SH3RF3: variants seen among roughly 807,000 people sequenced by gnomAD.
SH3RF3 encodes the protein E3 ubiquitin-protein ligase SH3RF3.
In SH3RF3, 29 loss-of-function variants were observed where a neutral mutation model predicts 66.3. The observed-to-expected ratio is 0.44, with a 90% CI of 0.33 to 0.60. SH3RF3 has a LOEUF of 0.60. SH3RF3 is among the 20% of genes least tolerant of loss of function. SH3RF3 has a pLI of 0.04. For missense variants in SH3RF3, 1,194 were observed against 1,190.9 expected (o/e 1.00, Z -0.04); for synonymous variants, 583 against 532.0 (o/e 1.10, Z -1.32).
chr2:109,274,637 C>G (rs1680708066), intron 1 of SH3RF3, among the ~76,000 whole-genome samples: 2 of 152,080 alleles, frequency 1.3e-5, no homozygotes, highest in Non-Finnish European at 2.9e-5. Context: ...GAAGAGGCGG[C>G]AATGGAGCAG....
chr2:109,266,758 CAA>C lies in SH3RF3; in HGVS notation c.574-80915_574-80914del, dbSNP rs142650214. Among the ~76,000 whole-genome samples, 840 of 152,296 alleles carry C rather than the reference CAA, an allele frequency of 5.5e-3. 11 individuals carry two copies. Among genetic ancestry groups the C allele is most frequent in the African/African-American group, 0.019 (807 of 41,558 alleles). Reference sequence around the variant, plus strand: ...CACGCTTGCTTCATTAACAGCCTAACAAGAGACAGGGGTGAGCGTGTGCCCAC... The same window carrying C: ...CACGCTTGCTTCATTAACAGCCTAACGAGACAGGGGTGAGCGTGTGCCCAC... On this transcript the variant is annotated intron_variant, in intron 1 of 9. Transcript: ENST00000309415.
At chr2:109,452,069 T>C (rs1200441191) in intron 8 of SH3RF3, among the ~76,000 whole-genome samples, 2 of 152,240 alleles carry the variant, frequency 1.3e-5, no homozygotes, top group Non-Finnish European at 2.9e-5. Flanking sequence ...AAACCACCTG[T>C]GAACATTTTG....
intron 1 of SH3RF3, among the ~76,000 whole-genome samples, chr2:109,325,331 C>CTTTTTTTTTTT (rs11298946): frequency 2.4e-4 from 16 of 66,240 alleles, no homozygotes; most frequent in South Asian, 7.2e-4. Flanking sequence ...TTCTTTCTTT[C>CTTTTTTTTTTT]TTTTTTTTTT....
chr2:109,155,235 C>T (rs1009437692), intron 1 of SH3RF3, among the ~76,000 whole-genome samples: 1 of 152,130 alleles, frequency 6.6e-6, no homozygotes, highest in African/African-American at 2.4e-5. Flanking sequence ...GCATCTATGC[C>T]TATTTTATAG....
intron 1 of SH3RF3, among the ~76,000 whole-genome samples, chr2:109,289,921 G>C (rs1379379704): frequency 1.3e-5 from 2 of 152,168 alleles, no homozygotes; most frequent in African/African-American, 2.4e-5. Context: ...TCTGCTTCTA[G>C]TTCTTAAATC....
intron 3 of SH3RF3, among the ~76,000 whole-genome samples, chr2:109,387,556 G>A (rs958773257): frequency 6.6e-6 from 1 of 152,152 alleles, no homozygotes; most frequent in African/African-American, 2.4e-5. Context: ...ATGTGATGGG[G>A]CCAGCTCCCT....
At chr2:109,317,538 C>T (rs1264093228) in intron 1 of SH3RF3, among the ~76,000 whole-genome samples, 1 of 152,128 alleles carries the variant, frequency 6.6e-6, no homozygotes, top group Non-Finnish European at 1.5e-5. Flanking sequence ...TTCTAGGTCT[C>T]GTTCTGCCGG....
chr2:109,408,462 A>G (rs1472212982), intron 4 of SH3RF3, among the ~76,000 whole-genome samples: 3 of 152,190 alleles, frequency 2.0e-5, no homozygotes, highest in African/African-American at 7.2e-5. Flanking sequence ...ACCTCCCCAC[A>G]GGCATTATCT....
At chr2:109,309,770 C>A (rs1325146400) in intron 1 of SH3RF3, among the ~76,000 whole-genome samples, 1 of 124,514 alleles carries the variant, frequency 8.0e-6, no homozygotes, top group Non-Finnish European at 1.6e-5. Context: ...GTAAAGGGAT[C>A]AATTCAACAA....
At chr2:109,354,439 G>T (rs982446676) in intron 2 of SH3RF3, among the ~76,000 whole-genome samples, 11 of 152,232 alleles carry the variant, frequency 7.2e-5, no homozygotes, top group Non-Finnish European at 5.9e-5. Flanking sequence ...AGGGCTGTGG[G>T]CCACTCATGG....
chr2:109,325,948 A>G (rs1574575105), intron 1 of SH3RF3, among the ~76,000 whole-genome samples: 1 of 152,284 alleles, frequency 6.6e-6, no homozygotes, highest in African/African-American at 2.4e-5. Flanking sequence ...TTTTAATGAT[A>G]TTTTCACTGT....
At chr2:109,194,659 G>T (rs1678453678) in intron 1 of SH3RF3, among the ~76,000 whole-genome samples, 1 of 152,196 alleles carries the variant, frequency 6.6e-6, no homozygotes, top group Non-Finnish European at 1.5e-5. Context: ...GATGGGTTTG[G>T]TGATCAGCAG....
chr2:109,161,370 C>T (rs895091640), intron 1 of SH3RF3, among the ~76,000 whole-genome samples: 3 of 151,956 alleles, frequency 2.0e-5, no homozygotes, highest in Non-Finnish European at 4.4e-5. Flanking sequence ...CTGGGTGACT[C>T]CAGGAAGAGG....
At chr2:109,497,830 T>C (rs953818591) in intron 9 of SH3RF3, among the ~76,000 whole-genome samples, 6 of 152,292 alleles carry the variant, frequency 3.9e-5, no homozygotes, top group African/African-American at 1.4e-4. Context: ...TGCTTGTTTA[T>C]TTCACATCTG....
At chr2:109,320,603 C>T (rs762381605) in intron 1 of SH3RF3, among the ~76,000 whole-genome samples, 4 of 152,216 alleles carry the variant, frequency 2.6e-5, no homozygotes, top group Admixed American at 2.6e-4. Flanking sequence ...AAACCCTCTG[C>T]TTACTAGGTC....
intron 4 of SH3RF3, among the ~76,000 whole-genome samples, chr2:109,410,595 G>T (rs1036935205): frequency 2.0e-5 from 3 of 152,232 alleles, no homozygotes; most frequent in African/African-American, 7.2e-5. Context: ...CATCCTGCCC[G>T]AGGGAGGGAT....
intron 1 of SH3RF3, among the ~76,000 whole-genome samples, chr2:109,210,080 T>C (rs1184580637): frequency 6.6e-6 from 1 of 152,254 alleles, no homozygotes; most frequent in African/African-American, 2.4e-5. Context: ...GTCTGGCTTA[T>C]TTCATTTAGC....
chr2:109,436,904 G>A lies in SH3RF3; in HGVS notation c.1586G>A (p.Gly529Glu), dbSNP rs1310713772. ...CTTTCTCTCCACAGGGTGCCTGCAG[G>A]AGGGGCAGGGCCGCCCCGGAATAAT... is the stretch of plus-strand genomic sequence containing the variant. ...YVTPVSRVPA[G>E]GAGPPRNNVV... Residue 529 changes from glycine to glutamate, a missense_variant, in exon 7 of 10, where the codon GGA becomes GAA. Gly to Glu is a moderately conservative substitution (Grantham distance 98). Transcript: ENST00000309415. 6.2e-7 allele frequency: 1 copy of A among 1,613,332 alleles called. No homozygotes were observed. Among genetic ancestry groups the A allele is most frequent in the Non-Finnish European group, 8.5e-7 (1 of 1,179,784 alleles).
At chr2:109,193,397 G>A (rs1678417260) in intron 1 of SH3RF3, among the ~76,000 whole-genome samples, 1 of 152,156 alleles carries the variant, frequency 6.6e-6, no homozygotes, top group Non-Finnish European at 1.5e-5. Context: ...GTCAATCATA[G>A]ACCATTTTTA....
Sources: gnomAD v4.1 joint callset for allele counts (sites outside exome capture counted in the v4.1 genomes callset) on GRCh38, gnomAD v4.1.1 for gene constraint, MANE v1.5 for transcripts, NCBI Gene and HGNC (gene_info 2026-07-23, HGNC 2026-07-21) for gene names.